Variants in VPS13C observed in about 807,000 individuals in gnomAD.
The protein encoded by VPS13C is intermembrane lipid transfer protein VPS13C.
VPS13C carries 358 observed loss-of-function variants against 456.8 expected under a neutral mutation model. The ratio of observed to expected loss-of-function variants is 0.78; its 90% CI spans 0.72 to 0.86. The LOEUF (loss-of-function observed/expected upper bound fraction) is 0.86. Ranked by LOEUF, VPS13C falls within the 40% of genes least tolerant of loss-of-function variation. The pLI is 0.00. For synonymous variants in VPS13C, 1,578 were observed against 1,486.7 expected (o/e 1.06, Z -1.41); for missense variants, 4,818 against 4,385.4 (o/e 1.10, Z -2.79).
At chr15:62,017,377 T>C (rs920310918) in intron 9 of VPS13C, among the ~76,000 whole-genome samples, 2 of 152,172 alleles carry the variant, frequency 1.3e-5, no homozygotes, top group Non-Finnish European at 2.9e-5. Flanking sequence ...ATGTCCTGAA[T>C]GGTATTGCCT....
intron 6 of VPS13C, among the ~76,000 whole-genome samples, chr15:62,024,938 C>T (rs190646316): frequency 6.6e-6 from 1 of 152,202 alleles, no homozygotes; most frequent in East Asian, 1.9e-4. Flanking sequence ...AATCTCAGGT[C>T]CAGCACTACT....
chr15:61,941,107 T>C (rs1440427546), intron 46 of VPS13C, among the ~76,000 whole-genome samples: 1 of 152,220 alleles, frequency 6.6e-6, no homozygotes, highest in East Asian at 1.9e-4. Flanking sequence ...TTTACTGTCA[T>C]GCAAACAAAT....
chr15:61,959,548 T>C lies in VPS13C; in HGVS notation c.3956A>G (p.His1319Arg), dbSNP rs777692197. Residue 1319 changes from histidine (H) to arginine (R), a missense_variant, in exon 36 of 85, where the codon CAC becomes CGC. By Grantham distance (29) the His-to-Arg change is conservative. Transcript: ENST00000644861. ...GIYHPDIQLL[H>R]PINLEFLVNR... ...TACAAGAAATTCCAAGTTAATTGGGTGCAACAGCTGAATATCAGGATGGTA... is the reference window on the plus strand; with the variant it reads ...TACAAGAAATTCCAAGTTAATTGGGCGCAACAGCTGAATATCAGGATGGTA... 11 of 1,613,244 alleles carry C rather than the reference T, an allele frequency of 6.8e-6. No homozygotes were observed. In the South Asian group the frequency reaches 1.2e-4, roughly 18 times the overall value.
At chr15:62,056,752 G>A (rs1011622022) in intron 1 of VPS13C, among the ~76,000 whole-genome samples, 4 of 152,190 alleles carry the variant, frequency 2.6e-5, no homozygotes, top group Non-Finnish European at 5.9e-5. Context: ...ACCTGGCTCT[G>A]CCTTCTAGAT....
chr15:61,854,984 A>C (rs376540451), intron 83 of VPS13C, 30 bp from the exon 84 acceptor site: 2 of 1,562,956 alleles, frequency 1.3e-6, no homozygotes, highest in Non-Finnish European at 1.7e-6. Context: ...GACAGAAAAG[A>C]AATTATTCTG....
rs751276984 is a variant in VPS13C, at chr15:61,920,207, C to A, written c.7337G>T (p.Gly2446Val). The stretch of plus-strand genomic sequence containing the variant: ...AAAAATATCACTTTTCTCAGGGAAG[C>A]CCATTACTCTGAGATTACAATTGGG... ...VKPNCNLRVMGFPEKSDIFDV... is the reference protein window; with the variant it reads ...VKPNCNLRVMVFPEKSDIFDV... The change falls in exon 57 of 85, where the codon GGC becomes GTC. Residue 2446 changes from glycine to valine, a missense_variant. By Grantham distance (109) the Gly-to-Val change is moderately radical. Coordinates refer to ENST00000644861, the MANE Select transcript of VPS13C (RefSeq NM_020821.3). 2.5e-6 allele frequency: 4 copies of A among 1,613,566 alleles called. No homozygotes were observed. The highest frequency in any genetic ancestry group is 3.4e-6 in the Non-Finnish European group (4 of 1,179,662).
intron 15 of VPS13C, among the ~76,000 whole-genome samples, chr15:62,006,704 A>G (rs2046861928): frequency 1.3e-5 from 2 of 152,194 alleles, no homozygotes; most frequent in Admixed American, 6.5e-5. Context: ...TGGTTGAACT[A>G]GTTTACAATC....
chr15:61,995,006 TCCAC>T (rs976381862), intron 16 of VPS13C, among the ~76,000 whole-genome samples: 1 of 152,206 alleles, frequency 6.6e-6, no homozygotes, highest in Non-Finnish European at 1.5e-5. Flanking sequence ...CTCCACATTG[TCCAC>T]CACTTACTGC....
At chr15:62,057,784 T>C (rs948361000) in intron 1 of VPS13C, among the ~76,000 whole-genome samples, 1 of 152,214 alleles carries the variant, frequency 6.6e-6, no homozygotes, top group East Asian at 1.9e-4. Flanking sequence ...ATTACGACAT[T>C]TTTAATTTCA....
At chr15:61,873,812 A>G (rs994361262) in intron 77 of VPS13C, among the ~76,000 whole-genome samples, 1 of 152,086 alleles carries the variant, frequency 6.6e-6, no homozygotes, top group African/African-American at 2.4e-5. Context: ...CAGCAATCCA[A>G]CTACTGGGTA....
chr15:61,975,888 T>C (rs1567064745), intron 24 of VPS13C, among the ~76,000 whole-genome samples: 2 of 151,960 alleles, frequency 1.3e-5, no homozygotes, highest in South Asian at 4.1e-4. Context: ...TACATATGGG[T>C]TGAGTATCAG....
chr15:61,927,416 T>C lies in VPS13C; in HGVS notation c.6287-96A>G, dbSNP rs1382466586. On this transcript the variant is annotated intron_variant, in intron 51 of 84. Coordinates refer to ENST00000644861, the MANE Select transcript of VPS13C (RefSeq NM_020821.3). ...AAGTTGTTAAGTTGTTCTCAATGTT[T>C]TTCTATAACAGATATGGTGAAACTG... is the stretch of plus-strand genomic sequence containing the variant. 5 of 908,792 alleles carry C rather than the reference T, an allele frequency of 5.5e-6. No homozygotes were observed. In the East Asian group the frequency reaches 1.2e-4, roughly 22 times the overall value. 56.3% of individuals were successfully genotyped at this position (908,792 alleles called of 1,614,324 possible).
chr15:61,903,604 C>T (rs1296883723), intron 66 of VPS13C, among the ~76,000 whole-genome samples: 1 of 152,110 alleles, frequency 6.6e-6, no homozygotes, highest in Non-Finnish European at 1.5e-5. Context: ...AAGACCAATG[C>T]AATCCCTATC....
In VPS13C at chr15:62,012,182, A is replaced by G; in HGVS notation, c.826-18T>C. 6.8e-7 allele frequency: 1 copy of G among 1,468,794 alleles called. No individual in the cohort carries two copies. Among genetic ancestry groups the G allele is most frequent in the East Asian group, 2.3e-5 (1 of 43,440 alleles). The allele number at this position is 1,468,794 out of a possible 1,614,324, so 91.0% of individuals were successfully genotyped here. A position where few individuals can be genotyped will look rare whatever the true frequency, so the allele number is the denominator to read the frequency against. Reference sequence around the variant, plus strand: ...AGCTGATCCTAAACAAAAAATTTGAATGAGAATGAAAAAGAAAATGCACAC... The same window carrying G: ...AGCTGATCCTAAACAAAAAATTTGAGTGAGAATGAAAAAGAAAATGCACAC... On this transcript the variant is annotated intron_variant, in intron 11 of 84. Coordinates refer to ENST00000644861, the MANE Select transcript of VPS13C (RefSeq NM_020821.3).
At chr15:61,891,503 G>A (rs1055800128) in intron 66 of VPS13C, among the ~76,000 whole-genome samples, 1 of 152,124 alleles carries the variant, frequency 6.6e-6, no homozygotes, top group Non-Finnish European at 1.5e-5. Flanking sequence ...TTCTGTATCT[G>A]TAAACTACAA....
chr15:61,916,785 A>AT (rs1435078766), intron 60 of VPS13C, among the ~76,000 whole-genome samples: 3 of 151,962 alleles, frequency 2.0e-5, no homozygotes, highest in African/African-American at 4.8e-5. Context: ...GACAGTAATT[A>AT]TTTTTTTTAT....
At chr15:61,951,367 C>A (rs903271882) in intron 39 of VPS13C, among the ~76,000 whole-genome samples, 1 of 151,944 alleles carries the variant, frequency 6.6e-6, no homozygotes, top group Non-Finnish European at 1.5e-5. Context: ...TTAAAGATAT[C>A]CCATAGAGTT....
intron 77 of VPS13C, among the ~76,000 whole-genome samples, chr15:61,874,282 T>C (rs764184825): frequency 1.3e-5 from 2 of 151,994 alleles, no homozygotes; most frequent in South Asian, 2.1e-4. Context: ...AGGGTGACTA[T>C]AGTTAACAAC....
At chr15:61,987,509 A>C (rs185614704) in intron 18 of VPS13C, among the ~76,000 whole-genome samples, 22 of 152,272 alleles carry the variant, frequency 1.4e-4, no homozygotes, top group Non-Finnish European at 2.6e-4. Context: ...ACTCACTATC[A>C]CGACAACAGT....
Sources: gnomAD v4.1 joint callset for allele counts (sites outside exome capture counted in the v4.1 genomes callset) on GRCh38, gnomAD v4.1.1 for gene constraint, MANE v1.5 for transcripts, NCBI Gene and HGNC (gene_info 2026-07-23, HGNC 2026-07-21) for gene names.